Variants in APTX observed in about 807,000 individuals in gnomAD.
APTX encodes aprataxin.
A neutral mutation model predicts 42.3 loss-of-function variants in APTX; 33 were observed. The observed-to-expected ratio is 0.78, with a 90% confidence interval of 0.59 to 1.04. The LOEUF (loss-of-function observed/expected upper bound fraction) is 1.04, where lower values mean the gene tolerates loss of function less well. Ranked by LOEUF, APTX falls within the 50% of genes least tolerant of loss-of-function variation. The probability of loss-of-function intolerance (pLI) is 0.00; values close to 1 mark genes in which losing one functional copy is unlikely to be tolerated. For synonymous variants in APTX, 130 were observed against 146.7 expected (o/e 0.89, Z 0.82); for missense variants, 421 against 415.1 (o/e 1.01, Z -0.12).
intron 6 of APTX, among the ~76,000 whole-genome samples, chr9:32,974,822 C>T (rs945497042): frequency 5.9e-5 from 9 of 152,046 alleles, no homozygotes; most frequent in Non-Finnish European, 1.2e-4. Flanking sequence ...TGGGAAAAGC[C>T]TCTGCCCTTA....
At chr9:33,015,980 G>C (rs1419148302) in intron 1 of APTX, 1 of 152,160 alleles carries the variant, frequency 6.6e-6, no homozygotes, top group East Asian at 1.9e-4. Context: ...AAGGTGAGGT[G>C]AAGAATTAAA....
Position 33,017,583 on chromosome 9 carries a change from C to G in APTX, c.-5+7440G>C, listed in dbSNP as rs1587666111. 2.0e-5 allele frequency among the ~76,000 whole-genome samples: 3 copies of G among 152,264 alleles called. No homozygotes were observed. In the South Asian group the frequency reaches 6.2e-4, roughly 32 times the overall value. On this transcript the variant is annotated intron_variant, in intron 1 of 6. Transcript: ENST00000436040. The stretch of plus-strand genomic sequence containing the variant: ...CCAATTTATGAATTCTGATAGGACA[C>G]AAACATTCAGACCACAGCACAGAGG...
intron 5 of APTX, among the ~76,000 whole-genome samples, chr9:32,985,106 C>T (rs1831618496): frequency 6.6e-6 from 1 of 152,192 alleles, no homozygotes; most frequent in African/African-American, 2.4e-5. Context: ...TCAACCACCA[C>T]ACTACACAGA....
chr9:32,983,595 C>G (rs1354984426), intron 6 of APTX, among the ~76,000 whole-genome samples: 1 of 151,914 alleles, frequency 6.6e-6, no homozygotes, highest in Non-Finnish European at 1.5e-5. Context: ...GGCCAGTAAC[C>G]TAAGTCATAA....
chr9:32,982,801 G>C (rs1830988655), intron 6 of APTX, among the ~76,000 whole-genome samples: 3 of 152,110 alleles, frequency 2.0e-5, no homozygotes, highest in Admixed American at 2.0e-4. Flanking sequence ...CTCTGCATTA[G>C]GGAAACAGGA....
Position 32,983,254 on chromosome 9 carries a change from A to G in APTX, c.770+1377T>C, listed in dbSNP as rs78425463. Among the ~76,000 whole-genome samples the G allele has an allele frequency of 2.7e-3, 412 of 152,332 alleles. 3 individuals are homozygous for G. The highest frequency in any genetic ancestry group is 9.6e-3 in the African/African-American group (398 of 41,568). Reference sequence around the variant, plus strand: ...ATCTCAAAATTATGCTGACCCAAAAAAGCCAGACCAAAAAAGAGTATGCAA... The same window carrying G: ...ATCTCAAAATTATGCTGACCCAAAAGAGCCAGACCAAAAAAGAGTATGCAA... On this transcript the variant is annotated intron_variant, in intron 6 of 7. Coordinates refer to ENST00000379817, the MANE Select transcript of APTX (RefSeq NM_001195248.2).
chr9:33,014,862 C>G (rs1837785238), intron 1 of APTX, among the ~76,000 whole-genome samples: 2 of 152,242 alleles, frequency 1.3e-5, no homozygotes, highest in African/African-American at 4.8e-5. Context: ...TCACATAACA[C>G]AATGTGCTCT....
Position 32,986,047 on chromosome 9 carries a change from A to AC in APTX, c.484-18_484-17insG, listed in dbSNP as rs768788196. The AC allele has an allele frequency of 6.2e-5, 41 of 661,358 alleles. No individual in the cohort carries two copies. Among genetic ancestry groups the AC allele is most frequent in the African/African-American group, 4.0e-4 (15 of 37,544 alleles). 41.0% of individuals were successfully genotyped at this position (661,358 alleles called of 1,614,324 possible). A position where few individuals can be genotyped will look rare whatever the true frequency, so the allele number is the denominator to read the frequency against. On this transcript the variant is annotated splice_polypyrimidine_tract_variant and intron_variant, in intron 4 of 7. Transcript: ENST00000379817. ...CAGGGATTCCTAAAAAAAAAACAAA[A>AC]AAAAAAACAAAAAAAAAAAAAAACA...
At chr9:32,987,946 T>A (rs1292888916) in intron 3 of APTX, 100 bp from the exon 4 acceptor site, 4 of 1,528,448 alleles carry the variant, frequency 2.6e-6, no homozygotes, top group Non-Finnish European at 3.6e-6. Context: ...GCCAAGCACC[T>A]TGCCTTATGT....
chr9:32,982,529 G>C (rs1830915773), intron 6 of APTX, among the ~76,000 whole-genome samples: 1 of 151,852 alleles, frequency 6.6e-6, no homozygotes, highest in Non-Finnish European at 1.5e-5. Flanking sequence ...TTTTACAATA[G>C]GAAAAATAAT....
Position 32,973,082 on chromosome 9 carries a change from A to T in APTX, c.*416T>A. On this transcript the variant is annotated 3_prime_UTR_variant, in exon 8 of 8. Coordinates refer to ENST00000379817, the MANE Select transcript of APTX (RefSeq NM_001195248.2). ...AGACCCATCAGTATCTTCAGGATAA[A>T]CAAGAGGCCACTCTAGATGCTCTGA... 2.2e-6 allele frequency: 1 copy of T among 455,700 alleles called. No homozygotes were observed. The highest frequency in any genetic ancestry group is 4.4e-6 in the Non-Finnish European group (1 of 227,892). 28.2% of individuals were successfully genotyped at this position (455,700 alleles called of 1,614,324 possible).
chr9:33,004,948 CTTTT>C (rs1025766331), upstream of APTX, among the ~76,000 whole-genome samples: 34 of 151,602 alleles, frequency 2.2e-4, no homozygotes, highest in Non-Finnish European at 4.1e-4. Context: ...CCGCTTGTTA[CTTTT>C]TTTTGATAGC....
chr9:32,993,599 C>G (rs1487342615), intron 1 of APTX, among the ~76,000 whole-genome samples: 1 of 152,076 alleles, frequency 6.6e-6, no homozygotes, highest in Non-Finnish European at 1.5e-5. Flanking sequence ...CCTGCCTTCT[C>G]TCTCCCTTCC....
intron 6 of APTX, among the ~76,000 whole-genome samples, chr9:32,978,878 TA>T (rs1830060288): frequency 6.6e-6 from 1 of 152,212 alleles, no homozygotes; most frequent in Admixed American, 6.5e-5. Context: ...TCGCAAACCC[TA>T]AAGCTCTATT....
At chr9:32,978,043 A>G (rs1380846209) in intron 6 of APTX, among the ~76,000 whole-genome samples, 1 of 152,208 alleles carries the variant, frequency 6.6e-6, no homozygotes, top group Non-Finnish European at 1.5e-5. Flanking sequence ...TTTGAAAAGC[A>G]TAACAAATTT....
At chr9:32,990,836 C>A (rs1304503298) in intron 1 of APTX, among the ~76,000 whole-genome samples, 1 of 152,206 alleles carries the variant, frequency 6.6e-6, no homozygotes, top group Non-Finnish European at 1.5e-5. Flanking sequence ...GGTTTTCCTT[C>A]CCTGTCATGA....
chr9:33,001,085 G>A (rs1836310040), intron 1 of APTX, among the ~76,000 whole-genome samples: 1 of 151,966 alleles, frequency 6.6e-6, no homozygotes, highest in African/African-American at 2.4e-5. Context: ...GACCTCAGGT[G>A]ATCCGCCCGC....
chr9:33,013,770 C>T (rs998480290), intron 1 of APTX, among the ~76,000 whole-genome samples: 2 of 152,226 alleles, frequency 1.3e-5, no homozygotes, highest in African/African-American at 2.4e-5. Context: ...CGCCACTGCA[C>T]TCCAGCCTGG....
At chr9:32,984,602 G>A (rs1831449791) in intron 6 of APTX, 29 bp downstream of exon 6, 2 of 1,601,530 alleles carry the variant, frequency 1.2e-6, no homozygotes, top group Non-Finnish European at 8.6e-7. Flanking sequence ...ACAGAACCAG[G>A]AGCCAGCAGC....
Sources: gnomAD v4.1 joint callset for allele counts (sites outside exome capture counted in the v4.1 genomes callset) on GRCh38, gnomAD v4.1.1 for gene constraint, MANE v1.5 for transcripts, NCBI Gene and HGNC (gene_info 2026-07-23, HGNC 2026-07-21) for gene names.